STK32C: variants seen among roughly 807,000 people sequenced by gnomAD.
STK32C encodes the protein serine/threonine kinase 32C.
STK32C carries 31 observed loss-of-function variants against 56.5 expected under a neutral mutation model. The observed-to-expected ratio is 0.55, with a 90% confidence interval of 0.41 to 0.74. STK32C has a LOEUF of 0.74. Ranked by LOEUF, STK32C falls within the 30% of genes least tolerant of loss-of-function variation. STK32C has a pLI of 0.00. For synonymous variants in STK32C, 309 were observed against 289.4 expected (o/e 1.07, Z -0.69); for missense variants, 544 against 676.9 (o/e 0.80, Z 2.18).
intron 8 of STK32C, among the ~76,000 whole-genome samples, chr10:132,224,072 A>G (rs1321789741): frequency 6.9e-6 from 1 of 144,370 alleles, no homozygotes; most frequent in African/African-American, 2.5e-5. Flanking sequence ...AATACGTGGG[A>G]CAAGGGGACG....
chr10:132,273,997 G>A (rs982446426), intron 1 of STK32C, among the ~76,000 whole-genome samples: 6 of 152,222 alleles, frequency 3.9e-5, no homozygotes, highest in Non-Finnish European at 5.9e-5. Context: ...CCTGGGCTCT[G>A]CTCTCTTTTT....
intron 1 of STK32C, among the ~76,000 whole-genome samples, chr10:132,303,875 G>A (rs1286379417): frequency 3.3e-5 from 5 of 152,332 alleles, no homozygotes; most frequent in Admixed American, 6.5e-5. Flanking sequence ...GCTGGCAGCA[G>A]GTGGTCTGGT....
chr10:132,268,804 T>TGTGTGTCG (rs2064704796), intron 1 of STK32C, among the ~76,000 whole-genome samples: 2 of 150,324 alleles, frequency 1.3e-5, no homozygotes, highest in South Asian at 4.2e-4. Flanking sequence ...ATCGTGTGTG[T>TGTGTGTCG]GTGTGTCGGT....
intron 10 of STK32C, among the ~76,000 whole-genome samples, chr10:132,221,708 C>T (rs1190233251): frequency 4.8e-5 from 7 of 144,976 alleles, no homozygotes; most frequent in African/African-American, 1.6e-4. Flanking sequence ...CTGATGCTGA[C>T]GCACCTGGGC....
rs2062158872 is a variant in STK32C, at chr10:132,208,171, T to TG, written c.1320-21dup. ...TTCAGCCTGGGGTGGCAGGAACACATGGAGGGCGTTATGCCCCCACCTCCC... is the reference window on the plus strand; with the variant it reads ...TTCAGCCTGGGGTGGCAGGAACACATGGGAGGGCGTTATGCCCCCACCTCCC... On this transcript the variant is annotated intron_variant, in intron 11 of 11. Coordinates refer to ENST00000298630, the MANE Select transcript of STK32C (RefSeq NM_173575.4). 1 of 1,308,036 alleles carries TG rather than the reference T, an allele frequency of 7.6e-7. No homozygotes were observed. Among genetic ancestry groups the TG allele is most frequent in the African/African-American group, 1.5e-5 (1 of 66,298 alleles). The allele number at this position is 1,308,036 out of a possible 1,614,324, so 81.0% of individuals were successfully genotyped here. A position where few individuals can be genotyped will look rare whatever the true frequency, so the allele number is the denominator to read the frequency against.
At chr10:132,278,116 C>T (rs1199116791) in intron 1 of STK32C, among the ~76,000 whole-genome samples, 1 of 152,212 alleles carries the variant, frequency 6.6e-6, no homozygotes, top group Non-Finnish European at 1.5e-5. Context: ...ACACCCCTCT[C>T]TGCAGACTCT....
intron 1 of STK32C, among the ~76,000 whole-genome samples, chr10:132,300,372 A>G (rs1401408194): frequency 2.6e-5 from 4 of 152,158 alleles, no homozygotes; most frequent in Non-Finnish European, 5.9e-5. Context: ...GGCAGAGACC[A>G]TGGGGGCTCC....
In STK32C at chr10:132,225,323, G is replaced by C. The variant is rs1477185308; in HGVS notation, c.786C>G (p.Phe262Leu). ...CGGTCCCGCCGTTGACAAAAGAGTG[G>C]AAGATCTCCGGAGCTTTCCGACAGA... ...GTKPYMAPEI[F>L]HSFVNGGTGY... Residue 262 changes from phenylalanine (F) to leucine (L), a missense_variant, in exon 7 of 12, where the codon TTC becomes TTG. Physicochemically the swap from Phe to Leu is conservative, Grantham distance 22. This residue lies in a region of STK32C where 277 missense variants were observed against 309.3 expected (regional missense o/e 0.90). Transcript: ENST00000298630. The C allele has an allele frequency of 1.2e-6, 2 of 1,610,660 alleles. No homozygotes were observed. The highest frequency in any genetic ancestry group is 2.2e-5 in the East Asian group (1 of 44,582).
chr10:132,217,094 A>C (rs184947272), intron 10 of STK32C, among the ~76,000 whole-genome samples: 2 of 152,368 alleles, frequency 1.3e-5, no homozygotes, highest in South Asian at 2.1e-4. Context: ...ATGCACCTGG[A>C]AAAGCCACAG....
At chr10:132,230,688 G>GGGA (rs2063068574) in intron 2 of STK32C, among the ~76,000 whole-genome samples, 1 of 142,646 alleles carries the variant, frequency 7.0e-6, no homozygotes, top group Non-Finnish European at 1.6e-5. Flanking sequence ...GCGGGGGGGG[G>GGGA]GGGGCTGCAG....
chr10:132,223,650 C>T lies in STK32C; in HGVS notation c.994-664G>A, dbSNP rs557730608. 4.6e-3 allele frequency among the ~76,000 whole-genome samples: 701 copies of T among 152,294 alleles called. 2 individuals carry two copies. The highest frequency in any genetic ancestry group is 0.016 in the African/African-American group (648 of 41,552). ...GACTCTCGGGGCTGGGGAGAGGCCC[C>T]GGCAGGCAAGGCCTCCCCAAGGATT... On this transcript the variant is annotated intron_variant, in intron 8 of 11. Coordinates refer to ENST00000298630, the MANE Select transcript of STK32C (RefSeq NM_173575.4).
intron 1 of STK32C, among the ~76,000 whole-genome samples, chr10:132,327,157 T>C (rs1240139529): frequency 6.6e-6 from 1 of 152,120 alleles, no homozygotes; most frequent in Non-Finnish European, 1.5e-5. Context: ...AACTGAATCA[T>C]GGGGGCAGGT....
intron 10 of STK32C, among the ~76,000 whole-genome samples, chr10:132,221,035 G>GA (rs1304253871): frequency 6.6e-6 from 1 of 152,268 alleles, no homozygotes; most frequent in Non-Finnish European, 1.5e-5. Context: ...ATCCATCTCA[G>GA]AGAGACGCAT....
chr10:132,290,279 C>T (rs2065525254), intron 1 of STK32C, among the ~76,000 whole-genome samples: 1 of 152,220 alleles, frequency 6.6e-6, no homozygotes. Flanking sequence ...CCTCCATGTG[C>T]CCAGCTCCCT....
chr10:132,228,260 C>T, intron 2 of STK32C, 132 bp from the exon 3 acceptor site: 1 of 1,122,082 alleles, frequency 8.9e-7, no homozygotes, highest in Non-Finnish European at 1.3e-6. Context: ...CGCGCCGCAG[C>T]CCCTCTGCCT....
At chr10:132,261,832 A>T (rs536343658) in intron 1 of STK32C, among the ~76,000 whole-genome samples, 9 of 152,320 alleles carry the variant, frequency 5.9e-5, no homozygotes, top group African/African-American at 2.2e-4. Flanking sequence ...ATGCTAACAG[A>T]TTGGCAGAAT....
chr10:132,215,521 T>G (rs2062444801), intron 10 of STK32C, among the ~76,000 whole-genome samples: 1 of 144,600 alleles, frequency 6.9e-6, no homozygotes, highest in African/African-American at 2.6e-5. Context: ...CTGCACAAGC[T>G]CTCTCTGCCA....
chr10:132,331,978 C>G (rs1379332842), upstream of STK32C: 7 of 482,564 alleles, frequency 1.5e-5, no homozygotes, highest in Admixed American at 1.3e-4. Flanking sequence ...CGCCCCCTCC[C>G]GGGCAGGCGC....
At chr10:132,325,422 G>A (rs1230166532) in intron 1 of STK32C, among the ~76,000 whole-genome samples, 6 of 151,842 alleles carry the variant, frequency 4.0e-5, no homozygotes, top group South Asian at 2.1e-4. Context: ...GCGTGGTGGC[G>A]GGTGCCTGTA....
Sources: allele counts gnomAD v4.1 joint callset (sites outside exome capture counted in the v4.1 genomes callset), GRCh38; gene constraint gnomAD v4.1.1; regional missense constraint gnomAD v4.1.1; transcripts MANE v1.5; gene names NCBI Gene and HGNC (gene_info 2026-07-23, HGNC 2026-07-21).